Variants in RBMS3 observed in about 807,000 individuals in gnomAD.
RBMS3 encodes RNA-binding motif, single-stranded-interacting protein 3.
RBMS3 carries 27 observed loss-of-function variants against 66.8 expected under a neutral mutation model. The ratio of observed to expected loss-of-function variants is 0.40; its 90% CI spans 0.30 to 0.56. The LOEUF is 0.56. RBMS3 is among the 20% of genes least tolerant of loss of function. The pLI is 0.40. For synonymous variants in RBMS3, 188 were observed against 183.0 expected, an observed-to-expected ratio of 1.03 and a Z score of -0.22; for missense variants, 513 against 549.5, an observed-to-expected ratio of 0.93 and a Z score of 0.66.
At chr3:29,525,049 G>C (rs934760502) in intron 3 of RBMS3, among the ~76,000 whole-genome samples, 2 of 152,002 alleles carry the variant, frequency 1.3e-5, no homozygotes, top group Non-Finnish European at 2.9e-5. Flanking sequence ...GTAAGACGTT[G>C]TCTCTAAAGA....
At chr3:29,349,704 C>G (rs1472536313) in intron 1 of RBMS3, among the ~76,000 whole-genome samples, 1 of 152,192 alleles carries the variant, frequency 6.6e-6, no homozygotes, top group Non-Finnish European at 1.5e-5. Context: ...TATCGTGTGT[C>G]TAACAACTCA....
intron 1 of RBMS3, among the ~76,000 whole-genome samples, chr3:29,354,559 A>C (rs762104067): frequency 1.3e-5 from 2 of 151,706 alleles, no homozygotes; most frequent in African/African-American, 4.9e-5. Flanking sequence ...TCCATGGTGC[A>C]CGTGTGCACG....
chr3:29,465,899 G>A (rs1390924247), intron 2 of RBMS3, among the ~76,000 whole-genome samples: 2 of 151,998 alleles, frequency 1.3e-5, no homozygotes, highest in Non-Finnish European at 1.5e-5. Flanking sequence ...ATGGTGGAAT[G>A]GACTAGGAGT....
chr3:29,612,128 G>C (rs1164254621), intron 4 of RBMS3, among the ~76,000 whole-genome samples: 1 of 151,980 alleles, frequency 6.6e-6, no homozygotes, highest in Non-Finnish European at 1.5e-5. Context: ...CGACTTTACT[G>C]AAGAAGTATT....
rs192904774 is a variant in RBMS3 at position 29,474,561 on chromosome 3, T to C, written c.249-13880T>C. Among the ~76,000 whole-genome samples the C allele has an allele frequency of 3.6e-3, 551 of 152,354 alleles. 2 individuals are homozygous for C. The highest frequency in any genetic ancestry group is 0.013 in the African/African-American group (528 of 41,582). The stretch of plus-strand genomic sequence containing the variant: ...TCATTTTTGCCTATTTTACAACTTA[T>C]GTTGAACACCTATTTTGTGCTGTGT... On this transcript the variant is annotated intron_variant, in intron 2 of 14. Transcript: ENST00000383767.
At chr3:29,485,630 AT>A (rs2043292186) in intron 2 of RBMS3, among the ~76,000 whole-genome samples, 1 of 152,162 alleles carries the variant, frequency 6.6e-6, no homozygotes, top group Non-Finnish European at 1.5e-5. Context: ...TACTTCATTT[AT>A]TTATTTCCCT....
At chr3:29,451,073 A>G (rs1216372256) in intron 2 of RBMS3, among the ~76,000 whole-genome samples, 5 of 152,162 alleles carry the variant, frequency 3.3e-5, no homozygotes, top group African/African-American at 1.2e-4. Flanking sequence ...CCAAGTGCCC[A>G]CTAACACTTT....
intron 1 of RBMS3, among the ~76,000 whole-genome samples, chr3:29,404,024 A>G (rs372993272): frequency 6.6e-6 from 1 of 152,236 alleles, no homozygotes; most frequent in Non-Finnish European, 1.5e-5. Context: ...AATATTCTGT[A>G]CAGACACCAG....
At chr3:29,857,872 A>G (rs2059120017) in intron 6 of RBMS3, among the ~76,000 whole-genome samples, 1 of 152,182 alleles carries the variant, frequency 6.6e-6, no homozygotes, top group African/African-American at 2.4e-5. Context: ...CATTATGGAA[A>G]GTTAATGACA....
intron 12 of RBMS3, among the ~76,000 whole-genome samples, chr3:29,984,001 G>C (rs1698192011): frequency 6.6e-6 from 1 of 152,138 alleles, no homozygotes; most frequent in Admixed American, 6.5e-5. Flanking sequence ...ATCCTGAAGA[G>C]CGTTTTCCAA....
intron 1 of RBMS3, among the ~76,000 whole-genome samples, chr3:29,368,953 C>A (rs1041002920): frequency 1.3e-5 from 2 of 152,076 alleles, no homozygotes; most frequent in East Asian, 1.9e-4. Context: ...ATATGTGGTA[C>A]ATATACATCA....
Position 29,386,838 on chromosome 3 carries a change from A to G in RBMS3, c.76-47905A>G, listed in dbSNP as rs373475793. Among the ~76,000 whole-genome samples, 4 of 152,096 alleles carry G rather than the reference A, an allele frequency of 2.6e-5. No individual in the cohort carries two copies. In the South Asian group the frequency reaches 6.2e-4, roughly 24 times the overall value. On this transcript the variant is annotated intron_variant, in intron 1 of 14. Coordinates refer to ENST00000383767, the MANE Select transcript of RBMS3 (RefSeq NM_001003793.3). ...CTTCAATCATGTTTTCATCTCCACT[A>G]CTCGAGCAAAATGATTTTTGTCAAC...
chr3:29,727,102 A>T (rs1036316639), intron 4 of RBMS3, among the ~76,000 whole-genome samples: 8 of 152,192 alleles, frequency 5.3e-5, no homozygotes, highest in African/African-American at 1.7e-4. Flanking sequence ...CCTGACAAAA[A>T]TAAGCAATGG....
At chr3:29,838,321 A>T (rs1468409443) in intron 6 of RBMS3, among the ~76,000 whole-genome samples, 1 of 152,098 alleles carries the variant, frequency 6.6e-6, no homozygotes, top group South Asian at 2.1e-4. Context: ...CCTGGGTGAT[A>T]GAGTGAGACC....
At chr3:29,845,388 T>C (rs2058753067) in intron 6 of RBMS3, among the ~76,000 whole-genome samples, 1 of 152,196 alleles carries the variant, frequency 6.6e-6, no homozygotes, top group Admixed American at 6.5e-5. Context: ...AGTGCTGCCA[T>C]TTAGTAAGCC....
chr3:29,316,091 A>G (rs374989350), intron 1 of RBMS3, among the ~76,000 whole-genome samples: 1 of 151,704 alleles, frequency 6.6e-6, no homozygotes, highest in Non-Finnish European at 1.5e-5. Flanking sequence ...CCAGTAAAAA[A>G]TAAAAAAATA....
chr3:29,974,995 CGTTTCT>C (rs1697475970), intron 12 of RBMS3, among the ~76,000 whole-genome samples: 2 of 98,458 alleles, frequency 2.0e-5, no homozygotes, highest in African/African-American at 9.8e-5. Context: ...ATATAAAATA[CGTTTCT>C]ATATTTATTT....
chr3:29,328,737 G>A (rs1159446689), intron 1 of RBMS3, among the ~76,000 whole-genome samples: 1 of 152,076 alleles, frequency 6.6e-6, no homozygotes, highest in Non-Finnish European at 1.5e-5. Flanking sequence ...CTCTCATAAA[G>A]GTGCTCAGAG....
chr3:29,863,479 A>G (rs2059268192), intron 6 of RBMS3, among the ~76,000 whole-genome samples: 1 of 152,172 alleles, frequency 6.6e-6, no homozygotes, highest in Admixed American at 6.5e-5. Context: ...TTAACAGTAT[A>G]TAATCATCTT....
Sources: gnomAD v4.1 joint callset for allele counts (sites outside exome capture counted in the v4.1 genomes callset) on GRCh38, gnomAD v4.1.1 for gene constraint, MANE v1.5 for transcripts, NCBI Gene and HGNC (gene_info 2026-07-23, HGNC 2026-07-21) for gene names.